USP48: variants seen among roughly 807,000 people sequenced by gnomAD.
USP48 encodes the protein ubiquitin specific peptidase 48.
A neutral mutation model predicts 150.7 loss-of-function variants in USP48; 43 were observed. That is an observed-to-expected ratio of 0.29 (90% CI 0.22 to 0.37). The LOEUF (loss-of-function observed/expected upper bound fraction) is 0.37, where lower values mean the gene tolerates loss of function less well. USP48 is among the 10% of genes least tolerant of loss of function. The pLI, the probability that USP48 is intolerant of heterozygous loss-of-function variation, is 1.00. For synonymous variants in USP48, 396 were observed against 425.9 expected (o/e 0.93, Z 0.86); for missense variants, 813 against 1,249.6 (o/e 0.65, Z 5.27).
chr1:21,741,844 T>C (rs1047693276), intron 8 of USP48, among the ~76,000 whole-genome samples: 1 of 152,042 alleles, frequency 6.6e-6, no homozygotes, highest in African/African-American at 2.4e-5. Context: ...CATGGTACTA[T>C]ACACCTGTGG....
At chr1:21,780,128 C>A (rs1379507814) in intron 1 of USP48, among the ~76,000 whole-genome samples, 2 of 152,080 alleles carry the variant, frequency 1.3e-5, no homozygotes. Context: ...AAGTACTACT[C>A]AAAATAAGCA....
At chr1:21,722,556 A>C (rs1233289732) in intron 12 of USP48, among the ~76,000 whole-genome samples, 4 of 151,824 alleles carry the variant, frequency 2.6e-5, no homozygotes, top group Non-Finnish European at 5.9e-5. Flanking sequence ...AAAAAAAAAA[A>C]AACAGGGGCC....
chr1:21,728,257 A>G, intron 11 of USP48: 1 of 1,064,740 alleles, frequency 9.4e-7, no homozygotes. Flanking sequence ...TAGTAATCCA[A>G]TCGGATTTTT....
chr1:21,679,494 A>G (rs1220365213), intron 26 of USP48, 55 bp from the exon 27 acceptor site: 1 of 1,599,600 alleles, frequency 6.3e-7, no homozygotes, highest in African/African-American at 1.3e-5. Flanking sequence ...TTAAAAGTTC[A>G]TGGATTCCAT....
chr1:21,736,726 T>C (rs1376367376), intron 8 of USP48, 101 bp from the exon 9 acceptor site: 1 of 1,061,682 alleles, frequency 9.4e-7, no homozygotes, highest in Non-Finnish European at 1.3e-6. Context: ...ACATGTGGTA[T>C]AACTAAAAAC....
chr1:21,761,155 T>C (rs971431997), intron 1 of USP48, among the ~76,000 whole-genome samples: 1 of 152,066 alleles, frequency 6.6e-6, no homozygotes, highest in Admixed American at 6.6e-5. Context: ...TGTTGCCATG[T>C]TTTTTATTTA....
chr1:21,750,882 CAAA>C (rs112902798), intron 6 of USP48, among the ~76,000 whole-genome samples: 1 of 113,376 alleles, frequency 8.8e-6, no homozygotes, highest in Non-Finnish European at 1.9e-5. Flanking sequence ...AACTCCATCT[CAAA>C]AAAAAAAAAA....
At chr1:21,701,124 T>C (rs1453132226) in intron 22 of USP48, among the ~76,000 whole-genome samples, 1 of 149,478 alleles carries the variant, frequency 6.7e-6, no homozygotes, top group East Asian at 2.0e-4. Flanking sequence ...CTCAGCACTT[T>C]GGGAGGCTGC....
intron 12 of USP48, among the ~76,000 whole-genome samples, chr1:21,722,185 CAAAG>C (rs2097722900): frequency 6.6e-6 from 1 of 151,890 alleles, no homozygotes; most frequent in Admixed American, 6.6e-5. Flanking sequence ...GTTTAAAACA[CAAAG>C]AAGTTTTAGG....
intron 1 of USP48, among the ~76,000 whole-genome samples, chr1:21,761,675 G>A (rs1448803080): frequency 1.3e-5 from 2 of 152,174 alleles, no homozygotes; most frequent in African/African-American, 4.8e-5. Flanking sequence ...GATGGCCTAA[G>A]CCTAGGAGTT....
rs970425460 is a variant in USP48 at position 21,678,415 on chromosome 1, C to T, written c.*1002G>A. On this transcript the variant is annotated 3_prime_UTR_variant, in exon 27 of 27. Transcript: ENST00000308271. Reference sequence around the variant, plus strand: ...ATAATCCTGAGTTGGATGGACAGCACATCCATATACTTTTTTCCTTTTTTA... The same window carrying T: ...ATAATCCTGAGTTGGATGGACAGCATATCCATATACTTTTTTCCTTTTTTA... The T allele has an allele frequency of 6.6e-6, 1 of 151,812 alleles. No homozygotes were observed. Among genetic ancestry groups the T allele is most frequent in the African/African-American group, 2.4e-5 (1 of 41,296 alleles). The allele number at this position is 151,812 out of a possible 1,614,324, so 9.4% of individuals were successfully genotyped here.
chr1:21,706,307 C>T lies in USP48; in HGVS notation c.2212-120G>A, dbSNP rs1053583403. On this transcript the variant is annotated intron_variant, in intron 17 of 26. Coordinates refer to ENST00000308271, the MANE Select transcript of USP48 (RefSeq NM_032236.8). ...TTATAAATAAAATGAAAACACAGTC[C>T]TCTACCAAAAAATAGCAGGCTGGAG... 3 of 1,485,364 alleles carry T rather than the reference C, an allele frequency of 2.0e-6. No individual in the cohort carries two copies. In the African/African-American group the frequency reaches 4.2e-5, roughly 21 times the overall value. 92.0% of individuals were successfully genotyped at this position (1,485,364 alleles called of 1,614,324 possible).
chr1:21,770,584 C>T (rs996564191), intron 1 of USP48, among the ~76,000 whole-genome samples: 1 of 150,066 alleles, frequency 6.7e-6, no homozygotes, highest in African/African-American at 2.5e-5. Flanking sequence ...CAGGTTCAAG[C>T]GATTCTCCTG....
chr1:21,758,855 C>T lies in USP48; in HGVS notation c.135-1072G>A, dbSNP rs556099099. Among the ~76,000 whole-genome samples the T allele has an allele frequency of 2.0e-5, 3 of 152,240 alleles. No individual in the cohort carries two copies. In the East Asian group the frequency reaches 5.8e-4, roughly 29 times the overall value. ...GACCATGTGACTGTTTCTCACACTACTTCACGCATGCACACAAACAAAAAT... is the reference window on the plus strand; with the variant it reads ...GACCATGTGACTGTTTCTCACACTATTTCACGCATGCACACAAACAAAAAT... On this transcript the variant is annotated intron_variant, in intron 1 of 26. Coordinates refer to ENST00000308271, the MANE Select transcript of USP48 (RefSeq NM_032236.8).
chr1:21,725,672 G>T (rs1461745405), intron 11 of USP48, among the ~76,000 whole-genome samples: 1 of 151,544 alleles, frequency 6.6e-6, no homozygotes, highest in East Asian at 1.9e-4. Flanking sequence ...AGAATCACTT[G>T]AACCCGGGAC....
chr1:21,708,650 G>A (rs2097680435), intron 15 of USP48, among the ~76,000 whole-genome samples: 1 of 152,000 alleles, frequency 6.6e-6, no homozygotes, highest in Admixed American at 6.6e-5. Context: ...TTAGGAGGCT[G>A]AGGTGAGTGG....
intron 19 of USP48, 129 bp from the exon 20 acceptor site, chr1:21,704,521 T>C: frequency 3.9e-6 from 4 of 1,018,218 alleles, no homozygotes; most frequent in East Asian, 2.9e-5. Context: ...AGAGAAAAGA[T>C]ACGTATCATC....
At chr1:21,704,988 A>G (rs2097668037) in intron 19 of USP48, among the ~76,000 whole-genome samples, 1 of 152,152 alleles carries the variant, frequency 6.6e-6, no homozygotes, top group African/African-American at 2.4e-5. Flanking sequence ...ATGCACAGCG[A>G]GAGTGAGAGA....
rs1433272658 is a variant in USP48 at position 21,678,362 on chromosome 1, T to C, written c.*1055A>G. On this transcript the variant is annotated 3_prime_UTR_variant, in exon 27 of 27. Coordinates refer to ENST00000308271, the MANE Select transcript of USP48 (RefSeq NM_032236.8). Reference sequence around the variant, plus strand: ...AACCCCTTCAATATTCTTAAGAATATTGCTTCGGTTACGTGTTGCTAAGAA... The same window carrying C: ...AACCCCTTCAATATTCTTAAGAATACTGCTTCGGTTACGTGTTGCTAAGAA... The C allele has an allele frequency of 2.0e-5, 3 of 151,958 alleles. No homozygotes were observed. Among genetic ancestry groups the C allele is most frequent in the Non-Finnish European group, 2.9e-5 (2 of 68,000 alleles). 9.4% of individuals were successfully genotyped at this position (151,958 alleles called of 1,614,324 possible). A position where few individuals can be genotyped will look rare whatever the true frequency, so the allele number is the denominator to read the frequency against.
Sources: gnomAD v4.1 joint callset for allele counts (sites outside exome capture counted in the v4.1 genomes callset) on GRCh38, gnomAD v4.1.1 for gene constraint, MANE v1.5 for transcripts, NCBI Gene and HGNC (gene_info 2026-07-23, HGNC 2026-07-21) for gene names.